Variants in CYP7B1 observed in about 807,000 individuals in gnomAD.
CYP7B1 encodes cytochrome P450 7B1.
In CYP7B1, 29 loss-of-function variants were observed where a neutral mutation model predicts 42.7. That is an observed-to-expected ratio of 0.68 (90% confidence interval 0.51 to 0.93). The LOEUF is 0.93. Ranked by LOEUF, CYP7B1 falls within the 40% of genes least tolerant of loss-of-function variation. The pLI is 0.00. For missense variants in CYP7B1, 655 were observed against 600.5 expected (o/e 1.09, Z -0.95); for synonymous variants, 235 against 218.2 (o/e 1.08, Z -0.68).
chr8:64,772,585 T>C (rs1008308285), intron 1 of CYP7B1, among the ~76,000 whole-genome samples: 3 of 152,172 alleles, frequency 2.0e-5, no homozygotes, highest in Non-Finnish European at 2.9e-5. Flanking sequence ...TCTTACAGTT[T>C]TCTTATGCAC....
At chr8:64,727,797 A>G (rs1158816939) in intron 1 of CYP7B1, among the ~76,000 whole-genome samples, 1 of 152,162 alleles carries the variant, frequency 6.6e-6, no homozygotes, top group Non-Finnish European at 1.5e-5. Flanking sequence ...CTAACACAGA[A>G]CTCCAATGGT....
rs575404680 is a variant in CYP7B1 at position 64,737,201 on chromosome 8, C to CA, written c.122+61264dup. Among the ~76,000 whole-genome samples the CA allele has an allele frequency of 2.2e-3, 338 of 152,330 alleles. 2 individuals are homozygous for CA. Among genetic ancestry groups the CA allele is most frequent in the African/African-American group, 7.9e-3 (329 of 41,574 alleles). On this transcript the variant is annotated intron_variant, in intron 1 of 5. Transcript: ENST00000310193. ...CACTGCAACCTTGAACTCCTGGACTCAATCAATCCTCTGGTCTCAGCCTCC... is the reference window on the plus strand; with the variant it reads ...CACTGCAACCTTGAACTCCTGGACTCAAATCAATCCTCTGGTCTCAGCCTCC...
intron 1 of CYP7B1, among the ~76,000 whole-genome samples, chr8:64,678,251 G>T (rs1487273373): frequency 1.3e-5 from 2 of 152,012 alleles, no homozygotes; most frequent in East Asian, 3.9e-4. Flanking sequence ...ATAAACATGG[G>T]TATCATTTCA....
chr8:64,659,035 C>T (rs1806162454), intron 1 of CYP7B1, among the ~76,000 whole-genome samples: 1 of 152,152 alleles, frequency 6.6e-6, no homozygotes, highest in African/African-American at 2.4e-5. Context: ...CTGTTATTTA[C>T]ATAGTGATTT....
At chr8:64,704,152 G>A (rs1318969934) in intron 1 of CYP7B1, 10 of 151,962 alleles carry the variant, frequency 6.6e-5, no homozygotes, top group African/African-American at 2.2e-4. Context: ...GATAATCCAT[G>A]GCAGGAAGAA....
At chr8:64,635,177 C>A (rs1363347033) in intron 1 of CYP7B1, among the ~76,000 whole-genome samples, 1 of 152,162 alleles carries the variant, frequency 6.6e-6, no homozygotes, top group African/African-American at 2.4e-5. Context: ...TTGTTTACTG[C>A]AAGAATCAGA....
chr8:64,798,609 T>G lies in CYP7B1; in HGVS notation c.-22A>C. On this transcript the variant is annotated 5_prime_UTR_variant, in exon 1 of 6. Transcript: ENST00000310193. ...CCATCCGGCGCGCGCTAGGCCGCGG[T>G]GGGCAGCCCGGGGTCTGCCTGCGAA... 2.8e-6 allele frequency: 4 copies of G among 1,452,238 alleles called. No individual in the cohort carries two copies. Among genetic ancestry groups the G allele is most frequent in the South Asian group, 2.7e-5 (2 of 73,252 alleles). 90.0% of individuals were successfully genotyped at this position (1,452,238 alleles called of 1,614,324 possible).
Position 64,759,448 on chromosome 8 carries a change from T to A in CYP7B1, c.122+39018A>T, listed in dbSNP as rs538401017. 2.0e-5 allele frequency among the ~76,000 whole-genome samples: 3 copies of A among 152,326 alleles called. No individual in the cohort carries two copies. In the South Asian group the frequency reaches 6.2e-4, roughly 32 times the overall value. The stretch of plus-strand genomic sequence containing the variant: ...TCTCATACTATTTTGCAATAATAAA[T>A]TCCCATGTGTTCCCCTCTGTTGACT... On this transcript the variant is annotated intron_variant, in intron 1 of 5. Transcript: ENST00000310193.
chr8:64,662,469 C>T (rs1469732282), intron 1 of CYP7B1, among the ~76,000 whole-genome samples: 3 of 152,140 alleles, frequency 2.0e-5, no homozygotes, highest in Non-Finnish European at 4.4e-5. Context: ...AGTTTTATTC[C>T]TGTCTCCATT....
In CYP7B1 at chr8:64,738,308, G is replaced by T. The variant is rs528130060; in HGVS notation, c.122+60158C>A. ...TAGCATTCTTAAAAATCCCAGAAAA[G>T]TTTTTTCAAAAACTGAATTTCTAAC... On this transcript the variant is annotated intron_variant, in intron 1 of 5. Transcript: ENST00000310193. Among the ~76,000 whole-genome samples the T allele has an allele frequency of 2.1e-4, 32 of 152,048 alleles. 2 individuals are homozygous for T. The highest frequency in any genetic ancestry group is 7.7e-4 in the African/African-American group (32 of 41,500).
chr8:64,638,274 T>G (rs1477877373), intron 1 of CYP7B1, among the ~76,000 whole-genome samples: 1 of 152,084 alleles, frequency 6.6e-6, no homozygotes, highest in Non-Finnish European at 1.5e-5. Flanking sequence ...GCAATAAGGC[T>G]GTGTGTGTGT....
At chr8:64,717,857 G>GTTT (rs11385332) in intron 1 of CYP7B1, among the ~76,000 whole-genome samples, 2 of 140,846 alleles carry the variant, frequency 1.4e-5, no homozygotes, top group African/African-American at 2.6e-5. Flanking sequence ...CAAAAAATAA[G>GTTT]TTTTTTTTTT....
chr8:64,602,995 G>A (rs1431579747), intron 5 of CYP7B1, among the ~76,000 whole-genome samples: 1 of 152,056 alleles, frequency 6.6e-6, no homozygotes, highest in African/African-American at 2.4e-5. Context: ...GGAAACAATG[G>A]CGTGACAATA....
chr8:64,639,349 T>C (rs914485697), intron 1 of CYP7B1, among the ~76,000 whole-genome samples: 1 of 152,088 alleles, frequency 6.6e-6, no homozygotes, highest in African/African-American at 2.4e-5. Context: ...TATTGAAATA[T>C]ATAGATGCTG....
chr8:64,746,139 A>G (rs1807640534), intron 1 of CYP7B1, among the ~76,000 whole-genome samples: 1 of 152,146 alleles, frequency 6.6e-6, no homozygotes, highest in African/African-American at 2.4e-5. Flanking sequence ...AAGAAAAAAA[A>G]AATCCCTTTC....
rs1038935405 is a variant in CYP7B1, at chr8:64,594,668, G to T, written c.*1974C>A. On this transcript the variant is annotated 3_prime_UTR_variant, in exon 6 of 6. Transcript: ENST00000310193. ...GATCACTCAACTCGATGAACCTAGA[G>T]TTAAAACAAAAAGAAGGAAAAAACA... Among the ~76,000 whole-genome samples, 1 of 152,072 alleles carries T rather than the reference G, an allele frequency of 6.6e-6. No homozygotes were observed. Among genetic ancestry groups the T allele is most frequent in the African/African-American group, 2.4e-5 (1 of 41,388 alleles).
intron 1 of CYP7B1, among the ~76,000 whole-genome samples, chr8:64,792,727 C>T (rs117413653): frequency 0.017 from 2,645 of 152,242 alleles, 28 homozygotes; most frequent in Middle Eastern, 0.027. Context: ...GGATCATACA[C>T]AGATCCTCGC....
At chr8:64,631,430 A>G (rs76671918) in intron 1 of CYP7B1, among the ~76,000 whole-genome samples, 8,325 of 152,272 alleles carry the variant, frequency 0.055, 350 homozygotes, top group South Asian at 0.16. Flanking sequence ...AAATGGAAAA[A>G]AGACTTAAAT....
chr8:64,686,992 G>A (rs1403510024), intron 1 of CYP7B1, among the ~76,000 whole-genome samples: 5 of 132,202 alleles, frequency 3.8e-5, no homozygotes, highest in Admixed American at 1.5e-4. Context: ...CAAACACTGC[G>A]GAAGGCCGCA....
Sources: gnomAD v4.1 joint callset for allele counts (sites outside exome capture counted in the v4.1 genomes callset) on GRCh38, gnomAD v4.1.1 for gene constraint, MANE v1.5 for transcripts, NCBI Gene and HGNC (gene_info 2026-07-23, HGNC 2026-07-21) for gene names.